PPA2: variants seen among roughly 807,000 people sequenced by gnomAD.
The protein encoded by PPA2 is inorganic pyrophosphatase 2, also known as inorganic pyrophosphatase 2, mitochondrial.
Under a neutral mutation model 49.5 loss-of-function variants are expected in PPA2, and 48 were observed. The ratio of observed to expected loss-of-function variants is 0.97; its 90% CI spans 0.77 to 1.23. The LOEUF (loss-of-function observed/expected upper bound fraction) is 1.23, where lower values mean the gene tolerates loss of function less well. Among genes scored for constraint, PPA2 ranks in the 50% most tolerant of loss-of-function variants. The pLI is 0.00. For synonymous variants in PPA2, 131 were observed against 139.9 expected, an observed-to-expected ratio of 0.94 and a Z score of 0.45; for missense variants, 429 against 410.1, an observed-to-expected ratio of 1.05 and a Z score of -0.40.
intron 2 of PPA2, chr4:105,456,183 A>T (rs1722867464): frequency 2.2e-6 from 1 of 461,864 alleles, no homozygotes; most frequent in Non-Finnish European, 4.2e-6. Flanking sequence ...CCTGTTTCAT[A>T]GAGTGGTTAA....
Position 105,438,048 on chromosome 4 carries a change from T to G in PPA2, c.442-12A>C. 6.3e-7 allele frequency: 1 copy of G among 1,584,816 alleles called. No homozygotes were observed. Among genetic ancestry groups the G allele is most frequent in the Non-Finnish European group, 8.6e-7 (1 of 1,168,900 alleles). ...GGATCTTCCCAAGTCTAAAATTTTT[T>G]TTTTAAAAAAAAGCAGAAATGTAAG... On this transcript the variant is annotated splice_polypyrimidine_tract_variant and intron_variant, in intron 5 of 11. Transcript: ENST00000341695.
chr4:105,398,913 G>A (rs374268256), intron 8 of PPA2, 124 bp downstream of exon 8: 13 of 877,860 alleles, frequency 1.5e-5, no homozygotes, highest in East Asian at 3.0e-5. Flanking sequence ...AAATATGTAA[G>A]TTAGTAAAAA....
intron 5 of PPA2, among the ~76,000 whole-genome samples, chr4:105,445,082 C>T (rs566593048): frequency 6.6e-6 from 1 of 152,294 alleles, no homozygotes; most frequent in African/African-American, 2.4e-5. Context: ...ATCTATATCC[C>T]ATCTGTCTTT....
chr4:105,412,647 A>T (rs1414110229), intron 7 of PPA2, among the ~76,000 whole-genome samples: 1 of 152,224 alleles, frequency 6.6e-6, no homozygotes, highest in Non-Finnish European at 1.5e-5. Context: ...CAAGAAAAAA[A>T]CAACCCCATC....
At chr4:105,442,626 A>G (rs1428480129) in intron 5 of PPA2, among the ~76,000 whole-genome samples, 1 of 152,222 alleles carries the variant, frequency 6.6e-6, no homozygotes, top group African/African-American at 2.4e-5. Context: ...TGGTGGGAAG[A>G]CGAGATGAAT....
intron 10 of PPA2, among the ~76,000 whole-genome samples, chr4:105,383,013 AT>A (rs1382173488): frequency 2.1e-5 from 3 of 140,048 alleles, no homozygotes; most frequent in South Asian, 2.2e-4. Context: ...TCAAAAAAAA[AT>A]AATAATAATT....
chr4:105,424,363 A>G, intron 6 of PPA2, 41 bp from the exon 7 acceptor site: 1 of 1,536,312 alleles, frequency 6.5e-7, no homozygotes, highest in South Asian at 1.2e-5. Context: ...AAGGCTTTGG[A>G]GAGTTTACTC....
intron 5 of PPA2, among the ~76,000 whole-genome samples, chr4:105,441,089 C>T (rs1471665252): frequency 6.6e-6 from 1 of 152,146 alleles, no homozygotes; most frequent in African/African-American, 2.4e-5. Flanking sequence ...TGGTTATGCC[C>T]TCTTGTGGAG....
intron 10 of PPA2, 137 bp from the exon 11 acceptor site, chr4:105,371,010 C>A (rs1733003399): frequency 1.3e-6 from 1 of 766,286 alleles, no homozygotes; most frequent in Non-Finnish European, 1.8e-6. Context: ...GGTAAATATT[C>A]CCCTTTGCTT....
At chr4:105,473,775 G>A (rs555806887) in intron 1 of PPA2, 119 bp downstream of exon 1, 9 of 1,430,668 alleles carry the variant, frequency 6.3e-6, no homozygotes, top group African/African-American at 2.8e-5. Flanking sequence ...CGCGGCTACC[G>A]CTGAGGGCCC....
At chr4:105,435,893 G>C (rs997728158) in intron 6 of PPA2, among the ~76,000 whole-genome samples, 2 of 152,006 alleles carry the variant, frequency 1.3e-5, no homozygotes, top group Non-Finnish European at 2.9e-5. Flanking sequence ...CTAAGAACCA[G>C]AATAAGACAA....
At chr4:105,412,502 A>G (rs1722808726) in intron 7 of PPA2, among the ~76,000 whole-genome samples, 1 of 152,242 alleles carries the variant, frequency 6.6e-6, no homozygotes. Flanking sequence ...TAATTAAACT[A>G]AAGAGCTTCT....
chr4:105,370,952 G>GA, intron 10 of PPA2, 79 bp from the exon 11 acceptor site: 1 of 1,315,554 alleles, frequency 7.6e-7, no homozygotes, highest in Non-Finnish European at 1.0e-6. Flanking sequence ...GTTTTTTCAC[G>GA]AAATTATAGA....
intron 3 of PPA2, among the ~76,000 whole-genome samples, chr4:105,452,928 T>C (rs1722730654): frequency 6.6e-6 from 1 of 151,994 alleles, no homozygotes; most frequent in Non-Finnish European, 1.5e-5. Flanking sequence ...TATATATATT[T>C]AGAATATATT....
At chr4:105,413,781 C>T (rs1235909100) in intron 7 of PPA2, among the ~76,000 whole-genome samples, 2 of 151,900 alleles carry the variant, frequency 1.3e-5, no homozygotes, top group Non-Finnish European at 2.9e-5. Context: ...TAATAAAATA[C>T]AAGAGTGAAA....
intron 1 of PPA2, among the ~76,000 whole-genome samples, chr4:105,462,094 A>C (rs1329815970): frequency 6.6e-6 from 1 of 152,244 alleles, no homozygotes; most frequent in Non-Finnish European, 1.5e-5. Flanking sequence ...AATGAATGAG[A>C]TAATCTATAT....
At position 105,370,873 on chromosome 4, in the gene PPA2, C is replaced by A. The variant is rs1243157331; in HGVS notation, c.940G>T (p.Val314Leu). Reference sequence around the variant, plus strand: ...CTTTCTTTATTTGGTGAAGATGATACCTGGAAATAAAAACAGAGAAAGAAT... The same window carrying A: ...CTTTCTTTATTTGGTGAAGATGATAACTGGAAATAAAAACAGAGAAAGAAT... ...QEEARSLVES[V>L]SSSPNKESNE... is the part of the protein sequence containing the mutation. The change falls in exon 11 of 12, where the codon GTA (valine) becomes TTA (leucine). Residue 314 changes from valine (V) to leucine (L), a missense_variant and splice_region_variant. Physicochemically the swap from Val to Leu is conservative, Grantham distance 32 (BLOSUM62 1). Transcript: ENST00000341695. 9.5e-6 allele frequency: 14 copies of A among 1,467,996 alleles called. 1 individual carries two copies. In the East Asian group the frequency reaches 2.6e-4, roughly 27 times the overall value. 90.9% of individuals were successfully genotyped at this position (1,467,996 alleles called of 1,614,324 possible).
intron 1 of PPA2, among the ~76,000 whole-genome samples, chr4:105,462,448 G>T (rs993605884): frequency 1.3e-5 from 2 of 152,188 alleles, no homozygotes; most frequent in African/African-American, 2.4e-5. Flanking sequence ...CCTCTCCCCA[G>T]TCTAGTTCCA....
intron 7 of PPA2, among the ~76,000 whole-genome samples, chr4:105,403,558 T>C (rs1290065175): frequency 1.3e-5 from 2 of 152,182 alleles, no homozygotes; most frequent in Non-Finnish European, 2.9e-5. Context: ...TAAATTTCTC[T>C]CTAAAATTCC....
Sources: allele counts gnomAD v4.1 joint callset (sites outside exome capture counted in the v4.1 genomes callset), GRCh38; gene constraint gnomAD v4.1.1; transcripts MANE v1.5; gene names NCBI Gene and HGNC (gene_info 2026-07-23, HGNC 2026-07-21).